FAM13B: variants seen among roughly 807,000 people sequenced by gnomAD.
The protein encoded by FAM13B is family with sequence similarity 13 member B, also known as protein FAM13B.
Under a neutral mutation model 117.3 loss-of-function variants are expected in FAM13B, and 60 were observed. The ratio of observed to expected loss-of-function variants is 0.51; its 90% confidence interval spans 0.42 to 0.63. The LOEUF is 0.63. Among genes scored for constraint, FAM13B ranks in the 30% least tolerant of loss-of-function variants. The pLI, the probability that FAM13B is intolerant of heterozygous loss-of-function variation, is 0.00. For synonymous variants in FAM13B, 332 were observed against 356.1 expected (o/e 0.93, Z 0.76); for missense variants, 972 against 1,091.9 (o/e 0.89, Z 1.55).
Position 137,960,903 on chromosome 5 carries a change from A to G in FAM13B, c.1245-689T>C, listed in dbSNP as rs1477146669. Among the ~76,000 whole-genome samples, 3 of 152,204 alleles carry G rather than the reference A, an allele frequency of 2.0e-5. 1 individual carries two copies. Among genetic ancestry groups the G allele is most frequent in the Non-Finnish European group, 4.4e-5 (3 of 68,024 alleles). On this transcript the variant is annotated intron_variant, in intron 11 of 23. Transcript: ENST00000689681. ...TGCTATTATACAGTAGATTATCAAT[A>G]TGCCTACTGGGGGAAAGTTCTTTTC...
At chr5:138,048,871 A>G (rs1244600589) in intron 1 of FAM13B, among the ~76,000 whole-genome samples, 1 of 152,066 alleles carries the variant, frequency 6.6e-6, no homozygotes, top group Non-Finnish European at 1.5e-5. Context: ...CCACTACCTC[A>G]ATGTCAGTCT....
rs1471796049 is a variant in FAM13B, at chr5:137,939,433, T to C, written c.*792A>G. The stretch of plus-strand genomic sequence containing the variant: ...GGTGGGTTGGGGAATAGCGCGGATC[T>C]GATCCAGACAAATCACACCATTGCC... On this transcript the variant is annotated 3_prime_UTR_variant, in exon 24 of 24. Transcript: ENST00000689681. 4 of 152,780 alleles carry C rather than the reference T, an allele frequency of 2.6e-5. No individual in the cohort carries two copies. Among genetic ancestry groups the C allele is most frequent in the African/African-American group, 9.6e-5 (4 of 41,456 alleles). The allele number at this position is 152,780 out of a possible 1,614,324, so 9.5% of individuals were successfully genotyped here. A position where few individuals can be genotyped will look rare whatever the true frequency, so the allele number is the denominator to read the frequency against.
chr5:137,995,839 T>TA (rs1257209273), intron 7 of FAM13B, among the ~76,000 whole-genome samples: 1 of 152,192 alleles, frequency 6.6e-6, no homozygotes, highest in Non-Finnish European at 1.5e-5. Flanking sequence ...TGCTAGTACT[T>TA]AAAACATTTT....
intron 7 of FAM13B, among the ~76,000 whole-genome samples, chr5:138,005,449 C>T (rs2150823576): frequency 8.3e-6 from 1 of 119,944 alleles, no homozygotes; most frequent in African/African-American, 2.8e-5. Context: ...AAAAAAGGGC[C>T]AAACAACAAA....
chr5:137,947,892 A>AT (rs1024431918), intron 18 of FAM13B, among the ~76,000 whole-genome samples: 2 of 151,786 alleles, frequency 1.3e-5, no homozygotes, highest in African/African-American at 2.4e-5. Flanking sequence ...GCCAAAAGAA[A>AT]TTTTTTTTTA....
Position 138,047,083 on chromosome 5 carries a change from A to G in FAM13B, c.-203+4795T>C, listed in dbSNP as rs185087654. Among the ~76,000 whole-genome samples, 988 of 152,266 alleles carry G rather than the reference A, an allele frequency of 6.5e-3. 7 individuals carry two copies. Among genetic ancestry groups the G allele is most frequent in the Non-Finnish European group, 0.01 (702 of 68,012 alleles). On this transcript the variant is annotated intron_variant, in intron 1 of 3. Coordinates refer to the FAM13B transcript ENST00000502471. ...ACTCAGAAAGCAACTCAAGCTTGAC[A>G]GATATGGAGTGAGCTATCTGTAGAG...
chr5:138,033,085 G>T (rs903841265), upstream of FAM13B: 1 of 985,716 alleles, frequency 1.0e-6, no homozygotes, highest in African/African-American at 1.7e-5. Context: ...CGGCTGGCGG[G>T]CGGAGGCCGG....
chr5:137,956,872 G>A (rs1391449019), intron 13 of FAM13B, among the ~76,000 whole-genome samples: 10 of 152,158 alleles, frequency 6.6e-5, no homozygotes, highest in Non-Finnish European at 1.2e-4. Context: ...TGATTTTAAA[G>A]GAAAATATCT....
At chr5:138,028,259 G>A (rs985170627) in intron 1 of FAM13B, among the ~76,000 whole-genome samples, 5 of 152,144 alleles carry the variant, frequency 3.3e-5, no homozygotes, top group African/African-American at 1.2e-4. Flanking sequence ...TTGCAACAAC[G>A]TGGGAAATAT....
At chr5:138,043,331 C>T (rs1791550834) in intron 1 of FAM13B, among the ~76,000 whole-genome samples, 2 of 152,026 alleles carry the variant, frequency 1.3e-5, no homozygotes. Context: ...CCACTGCACT[C>T]CACCCTGGAT....
At chr5:137,999,174 C>T (rs977737751) in intron 7 of FAM13B, among the ~76,000 whole-genome samples, 8 of 149,458 alleles carry the variant, frequency 5.4e-5, no homozygotes, top group African/African-American at 2.0e-4. Flanking sequence ...AGTGCAGTGG[C>T]ACAATCATGG....
chr5:138,036,754 G>T (rs1791201108), upstream of FAM13B: 1 of 363,740 alleles, frequency 2.7e-6, no homozygotes, highest in Non-Finnish European at 5.4e-6. Flanking sequence ...GAGGGAAGAA[G>T]ATGGTTTCTT....
intron 1 of FAM13B, among the ~76,000 whole-genome samples, chr5:138,047,445 G>A (rs1791675203): frequency 6.6e-6 from 1 of 151,576 alleles, no homozygotes; most frequent in African/African-American, 2.4e-5. Context: ...GGCAGAGGTT[G>A]CAGTGAGCCG....
chr5:137,988,342 TA>T, intron 7 of FAM13B, 27 bp from the exon 8 acceptor site: 1 of 1,549,674 alleles, frequency 6.5e-7, no homozygotes, highest in Non-Finnish European at 8.7e-7. Flanking sequence ...AAATTAGCTA[TA>T]AAAATGTTCA....
At chr5:138,029,158 C>T (rs551007652) in intron 1 of FAM13B, among the ~76,000 whole-genome samples, 4 of 152,308 alleles carry the variant, frequency 2.6e-5, no homozygotes, top group East Asian at 1.9e-4. Context: ...TCCAACCATC[C>T]GGTGAAATAA....
chr5:137,975,954 T>G (rs1467492495), intron 10 of FAM13B, among the ~76,000 whole-genome samples: 1 of 146,030 alleles, frequency 6.8e-6, no homozygotes, highest in East Asian at 2.0e-4. Context: ...GAATATCTCT[T>G]CCACAACCAG....
chr5:137,954,201 C>T lies in FAM13B; in HGVS notation c.1683G>A (p.Lys561=). The T allele has an allele frequency of 6.2e-7, 1 of 1,614,048 alleles. No homozygotes were observed. Among genetic ancestry groups the T allele is most frequent in the Non-Finnish European group, 8.5e-7 (1 of 1,180,004 alleles). ...QSQRFLHDPE[K]LDSSSKALSF... Reference sequence around the variant, plus strand: ...ACAGTGCTTTAGATGAGGAATCCAACTTTTCTGGATCATGTAGGAAACGCT... The same window carrying T: ...ACAGTGCTTTAGATGAGGAATCCAATTTTTCTGGATCATGTAGGAAACGCT... The change falls in exon 15 of 24, where the codon AAG becomes AAA. Residue 561 remains lysine, a synonymous_variant. Coordinates refer to ENST00000689681, the MANE Select transcript of FAM13B (RefSeq NM_001385994.1).
At chr5:137,951,125 G>A (rs1167591210) in intron 17 of FAM13B, among the ~76,000 whole-genome samples, 2 of 142,242 alleles carry the variant, frequency 1.4e-5, no homozygotes, top group South Asian at 2.3e-4. Flanking sequence ...TGGGAGGATC[G>A]CTTCAGCCCG....
At chr5:137,963,798 C>G (rs372766317) in intron 10 of FAM13B, among the ~76,000 whole-genome samples, 1 of 152,106 alleles carries the variant, frequency 6.6e-6, no homozygotes, top group African/African-American at 2.4e-5. Context: ...AGGCATGGAC[C>G]CTATTGTGAG....
Sources: allele counts gnomAD v4.1 joint callset (sites outside exome capture counted in the v4.1 genomes callset), GRCh38; gene constraint gnomAD v4.1.1; transcripts MANE v1.5; gene names NCBI Gene and HGNC (gene_info 2026-07-23, HGNC 2026-07-21).